The following KCNA6 variants were observed in gnomAD, a reference collection of about 807,000 sequenced individuals.
The protein encoded by KCNA6 is human brain potassium channel-2.
Under a neutral mutation model 29.5 loss-of-function variants are expected in KCNA6, and 17 were observed. That is an observed-to-expected ratio of 0.58 (90% CI 0.39 to 0.86). KCNA6 has a LOEUF of 0.86. Among genes scored for constraint, KCNA6 ranks in the 40% least tolerant of loss-of-function variants. The probability of loss-of-function intolerance (pLI) is 0.00; values close to 1 mark genes in which losing one functional copy is unlikely to be tolerated. For synonymous variants in KCNA6, 296 were observed against 304.7 expected, an observed-to-expected ratio of 0.97 and a Z score of 0.30; for missense variants, 450 against 703.4, an observed-to-expected ratio of 0.64 and a Z score of 4.07.
the KCNA6 span, among the ~76,000 whole-genome samples, chr12:4,830,366 C>G: frequency 6.6e-6 from 1 of 152,212 alleles, no homozygotes. Flanking sequence ...ATCCCAAATT[C>G]TCACATCCAC....
Position 4,810,818 on chromosome 12 carries a change from T to C in KCNA6, c.777T>C (p.Phe259=). 6.3e-7 allele frequency: 1 copy of C among 1,593,916 alleles called. No homozygotes were observed. The highest frequency in any genetic ancestry group is 8.5e-7 in the Non-Finnish European group (1 of 1,170,576). Reference sequence around the variant, plus strand: ...TCAGTACTCTTGGGGGCTCCTTCTTTACAGACCCCTTCTTTCTGGTGGAGA... The same window carrying C: ...TCAGTACTCTTGGGGGCTCCTTCTTCACAGACCCCTTCTTTCTGGTGGAGA... Residue 259 remains phenylalanine, a synonymous_variant, in exon 1 of 1, where the codon TTT becomes TTC. Coordinates refer to ENST00000280684, the Ensembl canonical transcript of KCNA6. The surrounding 1 kb of genome is among the most constrained non-coding windows in gnomAD (Gnocchi z 7.5).
At chr12:4,849,998 G>T in the KCNA6 span, among the ~76,000 whole-genome samples, 1 of 152,196 alleles carries the variant, frequency 6.6e-6, no homozygotes, top group African/African-American at 2.4e-5. Context: ...CTTTGCCCAG[G>T]CCACGGCAGA....
At chr12:4,820,591 A>ACACACACACACACT in the KCNA6 span, among the ~76,000 whole-genome samples, 2 of 144,622 alleles carry the variant, frequency 1.4e-5, no homozygotes, top group African/African-American at 2.5e-5. Context: ...ACACACACAC[A>ACACACACACACACT]CTCTTAAAAA....
the KCNA6 span, among the ~76,000 whole-genome samples, chr12:4,829,841 C>T: frequency 0.14 from 21,453 of 152,204 alleles, 1,633 homozygotes; most frequent in Non-Finnish European, 0.17. Flanking sequence ...CATTGAACAT[C>T]GTAACAATTC....
the KCNA6 span, among the ~76,000 whole-genome samples, chr12:4,818,888 A>G: frequency 6.6e-6 from 1 of 152,106 alleles, no homozygotes; most frequent in Non-Finnish European, 1.5e-5. Context: ...ACATACGTAT[A>G]TACACACATA....
At chr12:4,836,179 C>T in the KCNA6 span, among the ~76,000 whole-genome samples, 12 of 150,946 alleles carry the variant, frequency 7.9e-5, no homozygotes, top group East Asian at 2.3e-3. Context: ...TGAACTCTGA[C>T]CTCGGGTGAT....
At chr12:4,822,869 G>T in the KCNA6 span, among the ~76,000 whole-genome samples, 1 of 152,210 alleles carries the variant, frequency 6.6e-6, no homozygotes, top group African/African-American at 2.4e-5. Context: ...ATTCGATCTT[G>T]CCTCTCCTGG....
the KCNA6 span, among the ~76,000 whole-genome samples, chr12:4,826,938 A>G: frequency 3.3e-5 from 5 of 152,300 alleles, no homozygotes; most frequent in East Asian, 9.6e-4. Context: ...AAGAGAGACA[A>G]TAGTTTTTAT....
the KCNA6 span, among the ~76,000 whole-genome samples, chr12:4,844,787 A>C: frequency 6.6e-6 from 1 of 152,166 alleles, no homozygotes; most frequent in Non-Finnish European, 1.5e-5. The surrounding 1 kb of genome is among the most constrained non-coding windows in gnomAD (Gnocchi z 4.0). Context: ...ATCAGTGTTC[A>C]GTGTATCTGT....
the KCNA6 span, among the ~76,000 whole-genome samples, chr12:4,819,856 A>G: frequency 6.6e-6 from 1 of 152,376 alleles, no homozygotes; most frequent in African/African-American, 2.4e-5. Flanking sequence ...GTCATCTGCA[A>G]AATAAGGAAG....
Position 4,811,282 on chromosome 12 carries a change from G to C in KCNA6, c.1241G>C (p.Trp414Ser). The change falls in exon 1 of 1, where the codon TGG becomes TCG. Residue 414 changes from tryptophan (W) to serine (S), a missense_variant. By Grantham distance (177) the Trp-to-Ser change is radical (BLOSUM62 -3). Coordinates refer to ENST00000280684, the Ensembl canonical transcript of KCNA6. The surrounding 1 kb of genome is among the most constrained non-coding windows in gnomAD (Gnocchi z 7.1). ...TTTCCCAGCATCCCGGATGCCTTCT[G>C]GTGGGCAGTGGTTACAATGACCACG... 6.2e-7 allele frequency: 1 copy of C among 1,614,236 alleles called. No individual in the cohort carries two copies.
chr12:4,841,260 C>T, the KCNA6 span, among the ~76,000 whole-genome samples: 1 of 152,074 alleles, frequency 6.6e-6, no homozygotes, highest in Non-Finnish European at 1.5e-5. Context: ...GCCAGTATCA[C>T]CATCTTTTCT....
the KCNA6 span, among the ~76,000 whole-genome samples, chr12:4,847,657 A>T: frequency 6.6e-6 from 1 of 151,506 alleles, no homozygotes; most frequent in Admixed American, 6.6e-5. Flanking sequence ...ATATGTCTGA[A>T]GTTTTTTTCT....
At chr12:4,824,758 T>C in the KCNA6 span, among the ~76,000 whole-genome samples, 3 of 152,184 alleles carry the variant, frequency 2.0e-5, no homozygotes, top group Non-Finnish European at 4.4e-5. Context: ...TCCTCCCCGA[T>C]GCGTAAGGTC....
chr12:4,828,153 G>C, the KCNA6 span, among the ~76,000 whole-genome samples: 1 of 151,592 alleles, frequency 6.6e-6, no homozygotes, highest in Non-Finnish European at 1.5e-5. Context: ...TTGGAACTCG[G>C]TTGTATTTCT....
At chr12:4,816,816 A>C (rs1443508927), downstream of KCNA6, among the ~76,000 whole-genome samples, 2 of 152,018 alleles carry the variant, frequency 1.3e-5, no homozygotes, top group Non-Finnish European at 2.9e-5. Context: ...AACGGCCTTC[A>C]TTTGTCTTAC....
chr12:4,843,311 G>A, the KCNA6 span, among the ~76,000 whole-genome samples: 1 of 151,764 alleles, frequency 6.6e-6, no homozygotes, highest in Non-Finnish European at 1.5e-5. Context: ...CTCCCGTGTA[G>A]CTGGGACTAC....
the KCNA6 span, among the ~76,000 whole-genome samples, chr12:4,830,885 A>G: frequency 6.6e-6 from 1 of 152,158 alleles, no homozygotes; most frequent in Non-Finnish European, 1.5e-5. Context: ...CTACCTACCT[A>G]TTCAGCAGCC....
rs79522499 is a variant in KCNA6, at chr12:4,813,233, C to T, written c.*1602C>T. ...TTCTGTGACTGCCAGCTCTAAATCT[C>T]GATCTTGCCATAACTTTACAGGGTA... On this transcript the variant is annotated 3_prime_UTR_variant, in exon 1 of 1. Coordinates refer to ENST00000280684, the Ensembl canonical transcript of KCNA6. The T allele has an allele frequency of 2.1e-3, 344 of 167,032 alleles. 3 individuals carry two copies. The highest frequency in any genetic ancestry group is 4.5e-3 in the Non-Finnish European group (308 of 68,096). 10.3% of individuals were successfully genotyped at this position (167,032 alleles called of 1,614,324 possible).
Sources: gnomAD v4.1 joint callset for allele counts (sites outside exome capture counted in the v4.1 genomes callset) on GRCh38, gnomAD v4.1.1 for gene constraint, Gnocchi (gnomAD v3.1) non-coding constraint, MANE v1.5 for transcripts, NCBI Gene and HGNC (gene_info 2026-07-23, HGNC 2026-07-21) for gene names.